SCML4: variants seen among roughly 807,000 people sequenced by gnomAD.
SCML4 encodes sex comb on midleg-like protein 4.
A neutral mutation model predicts 41.1 loss-of-function variants in SCML4; 34 were observed. The observed-to-expected ratio is 0.83, with a 90% CI of 0.63 to 1.10. The LOEUF (loss-of-function observed/expected upper bound fraction) is 1.10, where lower values mean the gene tolerates loss of function less well. Ranked by LOEUF, SCML4 falls within the 50% of genes least tolerant of loss-of-function variation. SCML4 has a pLI of 0.00. For synonymous variants in SCML4, 214 were observed against 220.9 expected (o/e 0.97, Z 0.28); for missense variants, 522 against 534.1 (o/e 0.98, Z 0.22).
At chr6:107,844,573 C>A in the SCML4 span, among the ~76,000 whole-genome samples, 1 of 151,770 alleles carries the variant, frequency 6.6e-6, no homozygotes, top group African/African-American at 2.4e-5. Context: ...GTAGCACAGG[C>A]CTGTAGTCCC....
chr6:107,791,068 TAAAAAAAA>T (rs71274314), intron 1 of SCML4, among the ~76,000 whole-genome samples: 1 of 130,496 alleles, frequency 7.7e-6, no homozygotes, highest in Non-Finnish European at 1.6e-5. Context: ...AGACTCCGTC[TAAAAAAAA>T]AAAAAAAAGC....
At chr6:107,796,166 GT>G (rs1357705948) in intron 1 of SCML4, among the ~76,000 whole-genome samples, 1 of 151,988 alleles carries the variant, frequency 6.6e-6, no homozygotes, top group Non-Finnish European at 1.5e-5. Context: ...GTGGACATAT[GT>G]TTTTATTTTC....
intron 2 of SCML4, among the ~76,000 whole-genome samples, chr6:107,763,390 T>G (rs1779770597): frequency 6.6e-6 from 1 of 151,250 alleles, no homozygotes; most frequent in African/African-American, 2.4e-5. Context: ...GTTTTTTTTT[T>G]TTTTGTATGT....
At chr6:107,705,479 A>C (rs1179802563) in intron 7 of SCML4, among the ~76,000 whole-genome samples, 154 bp from the exon 8 acceptor site, 2 of 152,204 alleles carry the variant, frequency 1.3e-5, no homozygotes, top group Non-Finnish European at 2.9e-5. Flanking sequence ...GGTCTTTTAA[A>C]ATATTAAAGC....
At chr6:107,767,145 A>G (rs1780123466) in intron 2 of SCML4, among the ~76,000 whole-genome samples, 1 of 151,908 alleles carries the variant, frequency 6.6e-6, no homozygotes, top group African/African-American at 2.4e-5. Context: ...TTTAGTACAG[A>G]CGGGGTTTCA....
intron 5 of SCML4, 134 bp from the exon 6 acceptor site, chr6:107,721,127 A>G: frequency 1.8e-6 from 2 of 1,116,488 alleles, no homozygotes; most frequent in Non-Finnish European, 2.5e-6. Flanking sequence ...GGAGAAATGA[A>G]CCTCACAACA....
intron 5 of SCML4, chr6:107,732,541 T>C (rs1414684933): frequency 1.3e-5 from 2 of 152,252 alleles, no homozygotes; most frequent in Non-Finnish European, 2.9e-5. Flanking sequence ...CAGATGTTTC[T>C]GGTTTGCCTA....
chr6:107,742,834 G>A (rs1257473727), intron 5 of SCML4, among the ~76,000 whole-genome samples: 1 of 151,886 alleles, frequency 6.6e-6, no homozygotes, highest in East Asian at 1.9e-4. Flanking sequence ...AAAAAACACT[G>A]CGGGTACAAA....
At chr6:107,768,688 A>C (rs992959396) in intron 2 of SCML4, among the ~76,000 whole-genome samples, 12 of 152,228 alleles carry the variant, frequency 7.9e-5, no homozygotes, top group Admixed American at 1.3e-4. Context: ...AATAAGAAAT[A>C]CACACAAAAT....
intron 5 of SCML4, chr6:107,744,190 C>G (rs1047013467): frequency 2.6e-5 from 4 of 152,228 alleles, no homozygotes; most frequent in Non-Finnish European, 5.9e-5. Context: ...TCACCTTCAC[C>G]TCTTTGCAGA....
chr6:107,733,967 G>A (rs542135334), intron 5 of SCML4, among the ~76,000 whole-genome samples: 2 of 152,312 alleles, frequency 1.3e-5, no homozygotes, highest in South Asian at 2.1e-4. Context: ...AATGGCTCAC[G>A]GAGAATCGAG....
chr6:107,717,652 A>T (rs10456858), intron 6 of SCML4, among the ~76,000 whole-genome samples: 10,683 of 152,274 alleles, frequency 0.07, 500 homozygotes, highest in Admixed American at 0.16. Flanking sequence ...GGTTCAAGCG[A>T]TTCTCTTGCC....
At chr6:107,828,161 G>C (rs761140466), upstream of SCML4, among the ~76,000 whole-genome samples, 1 of 152,222 alleles carries the variant, frequency 6.6e-6, no homozygotes, top group Non-Finnish European at 1.5e-5. Context: ...ACACAGCTTA[G>C]AAGTGGTAGA....
intron 2 of SCML4, among the ~76,000 whole-genome samples, chr6:107,764,122 T>A (rs1779847004): frequency 6.6e-6 from 1 of 152,260 alleles, no homozygotes; most frequent in Non-Finnish European, 1.5e-5. Context: ...AAAACTTGCC[T>A]GCTGGAAATG....
the SCML4 span, among the ~76,000 whole-genome samples, chr6:107,832,320 A>G: frequency 6.6e-6 from 1 of 152,230 alleles, no homozygotes; most frequent in African/African-American, 2.4e-5. Flanking sequence ...CAGTTGGTCA[A>G]TAATGTCACC....
At chr6:107,757,764 G>C (rs914612816) in intron 2 of SCML4, among the ~76,000 whole-genome samples, 4 of 152,150 alleles carry the variant, frequency 2.6e-5, no homozygotes, top group African/African-American at 9.7e-5. Flanking sequence ...TATTATTATT[G>C]TTACTTTTAG....
intron 1 of SCML4, among the ~76,000 whole-genome samples, chr6:107,796,582 G>A (rs1782733191): frequency 1.3e-5 from 2 of 152,184 alleles, no homozygotes; most frequent in East Asian, 1.9e-4. Flanking sequence ...CTCTCTCCCA[G>A]TCTGTGGCTT....
At chr6:107,731,523 G>A (rs1357641847) in intron 5 of SCML4, among the ~76,000 whole-genome samples, 1 of 152,106 alleles carries the variant, frequency 6.6e-6, no homozygotes, top group Admixed American at 6.5e-5. Context: ...CCCAGTTGAG[G>A]GAGCAGCTGC....
intron 2 of SCML4, among the ~76,000 whole-genome samples, chr6:107,768,097 CAAA>C (rs766357180): frequency 2.2e-5 from 1 of 45,650 alleles, no homozygotes; most frequent in Non-Finnish European, 4.7e-5. Context: ...TTCATCTGTA[CAAA>C]AAAAAAAAAA....
Sources: gnomAD v4.1 joint callset for allele counts (sites outside exome capture counted in the v4.1 genomes callset) on GRCh38, gnomAD v4.1.1 for gene constraint, MANE v1.5 for transcripts, NCBI Gene and HGNC (gene_info 2026-07-23, HGNC 2026-07-21) for gene names.